Variants in HK2 observed in about 807,000 individuals in gnomAD.
HK2 encodes hexokinase-2.
In HK2, 42 loss-of-function variants were observed where a neutral mutation model predicts 92.9. The observed-to-expected ratio is 0.45, with a 90% CI of 0.35 to 0.58. The LOEUF (loss-of-function observed/expected upper bound fraction) is 0.58. HK2 is among the 20% of genes least tolerant of loss of function. HK2 has a pLI of 0.00. For missense variants in HK2, 978 were observed against 1,245.1 expected, an observed-to-expected ratio of 0.79 and a Z score of 3.23; for synonymous variants, 422 against 468.0, an observed-to-expected ratio of 0.90 and a Z score of 1.27.
intron 12 of HK2, among the ~76,000 whole-genome samples, chr2:74,882,740 G>A (rs1158596595): frequency 6.6e-6 from 1 of 151,540 alleles, no homozygotes; most frequent in South Asian, 2.1e-4. Context: ...TCTACAGAAA[G>A]GAAGATAAGC....
At chr2:74,873,453 A>C in intron 5 of HK2, 82 bp downstream of exon 5, 1 of 914,810 alleles carries the variant, frequency 1.1e-6, no homozygotes. Flanking sequence ...TTGACTCATC[A>C]TTGTTTGCTT....
chr2:74,887,259 G>A (rs1410688939), intron 15 of HK2, among the ~76,000 whole-genome samples: 1 of 152,178 alleles, frequency 6.6e-6, no homozygotes, highest in African/African-American at 2.4e-5. Flanking sequence ...AGACTAAAAT[G>A]CCTCTAGGGG....
chr2:74,856,243 C>G (rs1688693387), intron 2 of HK2, among the ~76,000 whole-genome samples: 1 of 152,138 alleles, frequency 6.6e-6, no homozygotes, highest in Non-Finnish European at 1.5e-5. Flanking sequence ...AGGCTCATCT[C>G]CCTAAGTGCC....
At position 74,854,144 on chromosome 2, in the gene HK2, A is replaced by G. The variant is rs1251147057; in HGVS notation, c.64-149A>G. 11 of 797,230 alleles carry G rather than the reference A, an allele frequency of 1.4e-5. No individual in the cohort carries two copies. In the Admixed American group the frequency reaches 1.6e-4, roughly 12 times the overall value. 49.4% of individuals were successfully genotyped at this position (797,230 alleles called of 1,614,324 possible). A position where few individuals can be genotyped will look rare whatever the true frequency, so the allele number is the denominator to read the frequency against. On this transcript the variant is annotated intron_variant, in intron 1 of 17. Transcript: ENST00000290573. ...TTTTTTTTAAGACAAAGTCCTGTCAAATCGGTTCCTACTAATGGTCTTTAA... is the reference window on the plus strand; with the variant it reads ...TTTTTTTTAAGACAAAGTCCTGTCAGATCGGTTCCTACTAATGGTCTTTAA...
chr2:74,887,823 G>A, intron 15 of HK2, 80 bp from the exon 16 acceptor site: 1 of 1,342,726 alleles, frequency 7.4e-7, no homozygotes. Flanking sequence ...TGCACTGGGG[G>A]TGACTAAGCT....
At chr2:74,862,806 C>T (rs1227502893) in intron 2 of HK2, among the ~76,000 whole-genome samples, 4 of 152,062 alleles carry the variant, frequency 2.6e-5, no homozygotes, top group Non-Finnish European at 2.9e-5. Flanking sequence ...TGACAAGGTG[C>T]GTGTGTGTAT....
intron 2 of HK2, among the ~76,000 whole-genome samples, chr2:74,864,399 A>T (rs975689957): frequency 5.3e-5 from 8 of 152,252 alleles, no homozygotes; most frequent in Non-Finnish European, 1.2e-4. Flanking sequence ...ACACCAGAGC[A>T]TGCCACAAAC....
At chr2:74,877,423 A>G in intron 8 of HK2, 102 bp downstream of exon 8, 1 of 1,310,794 alleles carries the variant, frequency 7.6e-7, no homozygotes, top group Non-Finnish European at 1.1e-6. Flanking sequence ...CTTCAAGTAT[A>G]GACTGCAAGA....
intron 1 of HK2, 115 bp from the exon 2 acceptor site, chr2:74,854,178 T>C (rs1688637515): frequency 9.1e-6 from 9 of 993,884 alleles, no homozygotes; most frequent in Non-Finnish European, 1.3e-5. Flanking sequence ...AATAATAACT[T>C]TCTGTACATA....
At chr2:74,838,961 C>T (rs1688239308) in intron 1 of HK2, among the ~76,000 whole-genome samples, 1 of 152,122 alleles carries the variant, frequency 6.6e-6, no homozygotes, top group Admixed American at 6.6e-5. Flanking sequence ...TGACCATTGA[C>T]CAAATTGTTT....
At chr2:74,860,411 C>G (rs748248411) in intron 2 of HK2, among the ~76,000 whole-genome samples, 26 of 152,224 alleles carry the variant, frequency 1.7e-4, no homozygotes, top group Non-Finnish European at 3.1e-4. Context: ...CCTTCCCAGT[C>G]AATCCCTGTA....
At chr2:74,861,843 C>CTT (rs1688836604) in intron 2 of HK2, among the ~76,000 whole-genome samples, 1 of 152,202 alleles carries the variant, frequency 6.6e-6, no homozygotes. Flanking sequence ...ACTGTGGTGC[C>CTT]TTTATCACCC....
rs369483140 is a variant in HK2 at position 74,858,248 on chromosome 2, A to G, written c.226+3793A>G. Among the ~76,000 whole-genome samples the G allele has an allele frequency of 2.6e-5, 4 of 152,304 alleles. 1 individual carries two copies. Among genetic ancestry groups the G allele is most frequent in the African/African-American group, 9.6e-5 (4 of 41,572 alleles). On this transcript the variant is annotated intron_variant, in intron 2 of 17. Coordinates refer to ENST00000290573, the MANE Select transcript of HK2 (RefSeq NM_000189.5). ...AAAGTTGCTAGTCAGAACCTGCTAAATGTTTTTCACTTTGCAGTTTGAAAG... is the reference window on the plus strand; with the variant it reads ...AAAGTTGCTAGTCAGAACCTGCTAAGTGTTTTTCACTTTGCAGTTTGAAAG...
chr2:74,864,697 G>A (rs1465028283), intron 2 of HK2, among the ~76,000 whole-genome samples: 1 of 152,166 alleles, frequency 6.6e-6, no homozygotes, highest in Non-Finnish European at 1.5e-5. Context: ...AGTAGAGACA[G>A]GGTTTCACCA....
intron 1 of HK2, among the ~76,000 whole-genome samples, chr2:74,837,338 G>T (rs1312684330): frequency 1.3e-5 from 2 of 152,188 alleles, no homozygotes; most frequent in Admixed American, 1.3e-4. Context: ...GCCCACTCCT[G>T]GCTGCTGGTA....
chr2:74,842,784 G>A lies in HK2; in HGVS notation c.63+8141G>A, dbSNP rs140038470. Among the ~76,000 whole-genome samples the A allele has an allele frequency of 1.3e-3, 195 of 152,340 alleles. 2 individuals carry two copies. The highest frequency in any genetic ancestry group is 1.5e-3 in the Non-Finnish European group (101 of 68,024). On this transcript the variant is annotated intron_variant, in intron 1 of 17. Coordinates refer to ENST00000290573, the MANE Select transcript of HK2 (RefSeq NM_000189.5). Reference sequence around the variant, plus strand: ...TTTTCTTCTGGTCCTCTACAGAGGTGGCTCCCCCATTCGAGGTCTCTGGGA... The same window carrying A: ...TTTTCTTCTGGTCCTCTACAGAGGTAGCTCCCCCATTCGAGGTCTCTGGGA...
intron 1 of HK2, among the ~76,000 whole-genome samples, chr2:74,844,121 A>C (rs140973589): frequency 8.3e-4 from 126 of 152,324 alleles, no homozygotes; most frequent in Middle Eastern, 6.8e-3. Context: ...AGTTTCACTT[A>C]TGTTTCAGTT....
intron 12 of HK2, among the ~76,000 whole-genome samples, chr2:74,884,642 T>C (rs1689477515): frequency 1.3e-5 from 2 of 152,194 alleles, no homozygotes; most frequent in African/African-American, 4.8e-5. Flanking sequence ...TGGGCATGAA[T>C]CCCTGAGCAA....
intron 3 of HK2, among the ~76,000 whole-genome samples, chr2:74,871,594 G>GT (rs1689101079): frequency 6.6e-6 from 1 of 152,176 alleles, no homozygotes; most frequent in African/African-American, 2.4e-5. Flanking sequence ...CAGTGAGTGC[G>GT]TGCGGTCACG....
Sources: allele counts gnomAD v4.1 joint callset (sites outside exome capture counted in the v4.1 genomes callset), GRCh38; gene constraint gnomAD v4.1.1; transcripts MANE v1.5; gene names NCBI Gene and HGNC (gene_info 2026-07-23, HGNC 2026-07-21).